GNA14: variants seen among roughly 807,000 people sequenced by gnomAD.
GNA14 encodes G protein subunit alpha 14.
Under a neutral mutation model 42.0 loss-of-function variants are expected in GNA14, and 50 were observed. The ratio of observed to expected loss-of-function variants is 1.19; its 90% CI spans 0.95 to 1.51. GNA14 has a LOEUF of 1.51. GNA14 is among the 40% of genes most tolerant of loss of function. The pLI is 0.00. For missense variants in GNA14, 473 were observed against 446.2 expected (o/e 1.06, Z -0.54); for synonymous variants, 173 against 163.1 (o/e 1.06, Z -0.46).
intron 4 of GNA14, among the ~76,000 whole-genome samples, chr9:77,430,569 G>A (rs971913379): frequency 1.2e-4 from 19 of 152,192 alleles, no homozygotes; most frequent in African/African-American, 4.3e-4. Context: ...CCCAAACACA[G>A]CAATTCTGGA....
chr9:77,449,658 G>T (rs1835873535), intron 2 of GNA14, among the ~76,000 whole-genome samples: 2 of 152,118 alleles, frequency 1.3e-5, no homozygotes, highest in Non-Finnish European at 2.9e-5. Context: ...TTTGAAAAAG[G>T]CCTCGTCAAG....
intron 2 of GNA14, among the ~76,000 whole-genome samples, chr9:77,469,708 T>C (rs1836296004): frequency 6.6e-6 from 1 of 152,310 alleles, no homozygotes; most frequent in Non-Finnish European, 1.5e-5. Flanking sequence ...TACAGAAAGC[T>C]CTGCTGCAGA....
chr9:77,463,098 T>C (rs1836143902), intron 2 of GNA14, among the ~76,000 whole-genome samples: 1 of 152,220 alleles, frequency 6.6e-6, no homozygotes, highest in Non-Finnish European at 1.5e-5. Context: ...GATCCTCTGC[T>C]GCGAATGCGA....
chr9:77,548,812 C>A (rs12350048), intron 1 of GNA14, among the ~76,000 whole-genome samples: 28,573 of 152,260 alleles, frequency 0.19, 4,173 homozygotes, highest in African/African-American at 0.41. Context: ...CTTCTGCACC[C>A]ATGTGGCAGC....
intron 2 of GNA14, among the ~76,000 whole-genome samples, chr9:77,445,614 G>A (rs1564016257): frequency 1.3e-5 from 2 of 151,366 alleles, no homozygotes; most frequent in African/African-American, 2.4e-5. Context: ...ATGGTGGTAC[G>A]CGCCTGTAGT....
intron 1 of GNA14, among the ~76,000 whole-genome samples, chr9:77,620,086 G>GCA (rs147182433): frequency 4.6e-5 from 7 of 151,688 alleles, no homozygotes; most frequent in Middle Eastern, 3.4e-3. Context: ...ACGTGTGTGT[G>GCA]CACACACACA....
intron 2 of GNA14, among the ~76,000 whole-genome samples, chr9:77,438,396 T>C (rs928606188): frequency 6.6e-6 from 1 of 151,762 alleles, no homozygotes; most frequent in Admixed American, 6.6e-5. Flanking sequence ...GCCTCCCGAG[T>C]AGCTGGGATT....
intron 1 of GNA14, among the ~76,000 whole-genome samples, chr9:77,574,086 C>T (rs1055294855): frequency 2.0e-5 from 3 of 152,090 alleles, no homozygotes; most frequent in African/African-American, 7.2e-5. Flanking sequence ...GAAAGGATCG[C>T]TTGAGGCCAG....
At chr9:77,614,010 T>G (rs1303672396) in intron 1 of GNA14, among the ~76,000 whole-genome samples, 1 of 152,222 alleles carries the variant, frequency 6.6e-6, no homozygotes, top group African/African-American at 2.4e-5. Flanking sequence ...TAGAATGTAT[T>G]AGTCAGAATA....
chr9:77,427,861 C>G (rs568962621), intron 5 of GNA14, among the ~76,000 whole-genome samples: 1 of 152,330 alleles, frequency 6.6e-6, no homozygotes, highest in East Asian at 1.9e-4. Flanking sequence ...TCTAGCACCA[C>G]TGCCCACCCC....
At chr9:77,602,830 C>A (rs1437333935) in intron 1 of GNA14, among the ~76,000 whole-genome samples, 1 of 152,150 alleles carries the variant, frequency 6.6e-6, no homozygotes, top group Non-Finnish European at 1.5e-5. Flanking sequence ...TTTGAAAGGC[C>A]CTGTGCTTTG....
At chr9:77,443,519 T>A (rs908812547) in intron 2 of GNA14, among the ~76,000 whole-genome samples, 2 of 152,246 alleles carry the variant, frequency 1.3e-5, no homozygotes, top group Non-Finnish European at 2.9e-5. Flanking sequence ...GGAAGCTTTT[T>A]AAACCCAATT....
chr9:77,623,944 C>T (rs886423698), intron 1 of GNA14, among the ~76,000 whole-genome samples: 1 of 152,196 alleles, frequency 6.6e-6, no homozygotes, highest in African/African-American at 2.4e-5. Context: ...GGAAAAGGGG[C>T]TGAAGCCAGG....
intron 2 of GNA14, among the ~76,000 whole-genome samples, chr9:77,484,855 A>G (rs1836629515): frequency 6.6e-6 from 1 of 152,246 alleles, no homozygotes; most frequent in Non-Finnish European, 1.5e-5. Context: ...TTAAGTGTGC[A>G]ATAGCATTAT....
chr9:77,478,639 C>CA (rs1352195471), intron 2 of GNA14, among the ~76,000 whole-genome samples: 1 of 152,166 alleles, frequency 6.6e-6, no homozygotes, highest in Non-Finnish European at 1.5e-5. Flanking sequence ...TTTAGAGTCC[C>CA]ACCAACAGTA....
intron 1 of GNA14, among the ~76,000 whole-genome samples, chr9:77,622,329 A>AG: frequency 6.6e-6 from 1 of 152,240 alleles, no homozygotes. Context: ...AGGAACAGCA[A>AG]AAGAATAAGA....
chr9:77,645,014 C>T (rs1824331646), intron 1 of GNA14, among the ~76,000 whole-genome samples: 1 of 152,242 alleles, frequency 6.6e-6, no homozygotes. Flanking sequence ...GTCACACCAA[C>T]ATCTTGCAAT....
At chr9:77,590,766 T>C (rs1823379406) in intron 1 of GNA14, among the ~76,000 whole-genome samples, 1 of 152,016 alleles carries the variant, frequency 6.6e-6, no homozygotes, top group South Asian at 2.1e-4. Flanking sequence ...TACTTATTAA[T>C]ATAAGCATCC....
At chr9:77,527,185 T>G (rs1176067278) in intron 2 of GNA14, among the ~76,000 whole-genome samples, 1 of 152,206 alleles carries the variant, frequency 6.6e-6, no homozygotes, top group African/African-American at 2.4e-5. Context: ...AGAACATTCC[T>G]GCCTCTTCAC....
Sources: allele counts gnomAD v4.1 joint callset (sites outside exome capture counted in the v4.1 genomes callset), GRCh38; gene constraint gnomAD v4.1.1; transcripts MANE v1.5; gene names NCBI Gene and HGNC (gene_info 2026-07-23, HGNC 2026-07-21).